Variants in ARHGEF10L observed in about 807,000 individuals in gnomAD.
The protein encoded by ARHGEF10L is Rho guanine nucleotide exchange factor 10 like, also known as rho guanine nucleotide exchange factor 10-like protein.
ARHGEF10L carries 69 observed loss-of-function variants against 141.2 expected under a neutral mutation model. That is an observed-to-expected ratio of 0.49 (90% CI 0.40 to 0.60). The LOEUF is 0.60. ARHGEF10L is among the 20% of genes least tolerant of loss of function. The pLI is 0.00. For missense variants in ARHGEF10L, 1,482 were observed against 1,734.3 expected (o/e 0.85, Z 2.58); for synonymous variants, 711 against 718.5 (o/e 0.99, Z 0.17).
intron 1 of ARHGEF10L, among the ~76,000 whole-genome samples, chr1:17,561,274 C>T (rs772998184): frequency 6.6e-5 from 10 of 152,352 alleles, no homozygotes; most frequent in East Asian, 1.9e-4. Context: ...GCACCTCCCC[C>T]CCGCCCCGTC....
At position 17,656,441 on chromosome 1, in the gene ARHGEF10L, C is replaced by T. The variant is rs2062258833; in HGVS notation, c.2706-113C>T. 12 of 1,315,020 alleles carry T rather than the reference C, an allele frequency of 9.1e-6. 2 individuals are homozygous for T. In the South Asian group the frequency reaches 1.0e-4, roughly 11 times the overall value. The allele number at this position is 1,315,020 out of a possible 1,614,324, so 81.5% of individuals were successfully genotyped here. A position where few individuals can be genotyped will look rare whatever the true frequency, so the allele number is the denominator to read the frequency against. On this transcript the variant is annotated intron_variant, in intron 24 of 28. Transcript: ENST00000361221. The surrounding 1 kb of genome is among the most constrained non-coding windows in gnomAD (Gnocchi z 4.9). ...ATGGCCTGGCCACACAGCCGAAAGG[C>T]GTGGCTGAGAGGGGTCAGCTCCCTG...
Position 17,632,323 on chromosome 1 carries a change from G to A in ARHGEF10L, c.1587G>A (p.Leu529=), listed in dbSNP as rs1267978372. The change falls in exon 16 of 29, where the codon CTG becomes CTA. Residue 529 remains leucine, a splice_region_variant and synonymous_variant. Transcript: ENST00000361221. ...GACCTTCCCTGCCCCTCCTCCAGCT[G>A]TTGACCTCAGGCCAGCGGCAGCTGC... ...SVSDRSSLNK[L]LTSGQRQLLL... The A allele has an allele frequency of 1.2e-6, 2 of 1,613,970 alleles. No homozygotes were observed. The highest frequency in any genetic ancestry group is 1.7e-6 in the Non-Finnish European group (2 of 1,180,024).
intron 1 of ARHGEF10L, among the ~76,000 whole-genome samples, chr1:17,562,048 A>G (rs2077563921): frequency 6.6e-6 from 1 of 152,208 alleles, no homozygotes; most frequent in Admixed American, 6.5e-5. Context: ...TCCAACCAAC[A>G]TTTATTGAAG....
At chr1:17,687,899 T>C (rs773376022) in intron 27 of ARHGEF10L, 152 bp downstream of exon 27, 2 of 871,128 alleles carry the variant, frequency 2.3e-6, no homozygotes, top group Non-Finnish European at 3.4e-6. Flanking sequence ...AGTGGTGGGG[T>C]TGGGATTCAC....
At chr1:17,520,527 G>T in the ARHGEF10L span, among the ~76,000 whole-genome samples, 1 of 152,194 alleles carries the variant, frequency 6.6e-6, no homozygotes, top group Non-Finnish European at 1.5e-5. Context: ...TTTGGAGGTC[G>T]TGGGGGAGGG....
At chr1:17,665,307 TTC>T (rs1244242825) in intron 26 of ARHGEF10L, among the ~76,000 whole-genome samples, 3 of 152,198 alleles carry the variant, frequency 2.0e-5, no homozygotes, top group Non-Finnish European at 4.4e-5. Context: ...GCCTGCCTAG[TTC>T]TCTCTCATGC....
At chr1:17,657,579 A>G (rs2062351042) in intron 25 of ARHGEF10L, among the ~76,000 whole-genome samples, 1 of 151,112 alleles carries the variant, frequency 6.6e-6, no homozygotes, top group Non-Finnish European at 1.5e-5. Flanking sequence ...ACAGCCTGTT[A>G]CAGGGTTATA....
chr1:17,626,312 A>G (rs2060383731), intron 14 of ARHGEF10L, among the ~76,000 whole-genome samples: 1 of 152,142 alleles, frequency 6.6e-6, no homozygotes, highest in Non-Finnish European at 1.5e-5. Context: ...GAGTGAAGGC[A>G]CAGGGAATCC....
In ARHGEF10L at chr1:17,625,919, AG is replaced by A; in HGVS notation, c.1318-32del. 1 of 1,593,774 alleles carries A rather than the reference AG, an allele frequency of 6.3e-7. No homozygotes were observed. Among genetic ancestry groups the A allele is most frequent in the African/African-American group, 1.3e-5 (1 of 74,490 alleles). On this transcript the variant is annotated intron_variant, in intron 13 of 28. Coordinates refer to ENST00000361221, the MANE Select transcript of ARHGEF10L (RefSeq NM_018125.4). The surrounding 1 kb of genome is among the most constrained non-coding windows in gnomAD (Gnocchi z 4.5). Reference sequence around the variant, plus strand: ...CTCTGGGGCACTGGGCCCTCTCTGCAGGGGGTCAGCGAATGACGGAACCTTG... The same window carrying A: ...CTCTGGGGCACTGGGCCCTCTCTGCAGGGGTCAGCGAATGACGGAACCTTG...
intron 4 of ARHGEF10L, among the ~76,000 whole-genome samples, chr1:17,592,941 G>A (rs2079694921): frequency 6.6e-6 from 1 of 152,096 alleles, no homozygotes; most frequent in African/African-American, 2.4e-5. Flanking sequence ...AAGGTCCCTT[G>A]CCAAATCCAT....
At position 17,587,672 on chromosome 1, in the gene ARHGEF10L, C is replaced by T. The variant is rs374870616; in HGVS notation, c.223+27C>T. 5.7e-6 allele frequency: 9 copies of T among 1,589,194 alleles called. No homozygotes were observed. The South Asian group carries it at 9.1e-5, about 16-fold the overall frequency. On this transcript the variant is annotated intron_variant, in intron 3 of 28. Coordinates refer to ENST00000361221, the MANE Select transcript of ARHGEF10L (RefSeq NM_018125.4). The stretch of plus-strand genomic sequence containing the variant: ...TAAGATGTTTCTGGGAACTTCCGGT[C>T]CTGGGGCTACAGGGAGCATGGAGAA...
Position 17,654,784 on chromosome 1 carries a change from A to C in ARHGEF10L, c.2481+62A>C, listed in dbSNP as rs2102015598. 2 of 1,468,900 alleles carry C rather than the reference A, an allele frequency of 1.4e-6. No individual in the cohort carries two copies. Among genetic ancestry groups the C allele is most frequent in the Non-Finnish European group, 1.9e-6 (2 of 1,053,828 alleles). The allele number at this position is 1,468,900 out of a possible 1,614,324, so 91.0% of individuals were successfully genotyped here. A position where few individuals can be genotyped will look rare whatever the true frequency, so the allele number is the denominator to read the frequency against. Reference sequence around the variant, plus strand: ...TCAGGACAGGAGTAGGGAGAGCGGCACCTGGGAGGGGGTGCTGGAGACAGC... The same window carrying C: ...TCAGGACAGGAGTAGGGAGAGCGGCCCCTGGGAGGGGGTGCTGGAGACAGC... On this transcript the variant is annotated intron_variant, in intron 23 of 28. Coordinates refer to ENST00000361221, the MANE Select transcript of ARHGEF10L (RefSeq NM_018125.4). The surrounding 1 kb of genome is among the most constrained non-coding windows in gnomAD (Gnocchi z 4.3).
At chr1:17,672,295 G>T (rs1294301877) in intron 26 of ARHGEF10L, among the ~76,000 whole-genome samples, 1 of 151,824 alleles carries the variant, frequency 6.6e-6, no homozygotes, top group Non-Finnish European at 1.5e-5. Flanking sequence ...GTGTGATGCG[G>T]CATGAATAAT....
chr1:17,548,452 T>G (rs181350546), intron 1 of ARHGEF10L, among the ~76,000 whole-genome samples: 7 of 151,874 alleles, frequency 4.6e-5, no homozygotes, highest in South Asian at 2.1e-4. Context: ...GACTAGGAAA[T>G]GTATGGTAGA....
At chr1:17,564,789 T>C (rs749827028) in intron 1 of ARHGEF10L, among the ~76,000 whole-genome samples, 47 of 152,302 alleles carry the variant, frequency 3.1e-4, no homozygotes, top group Non-Finnish European at 5.4e-4. Context: ...ACTGGGCCCT[T>C]AGCACGCAGT....
intron 26 of ARHGEF10L, among the ~76,000 whole-genome samples, chr1:17,671,561 G>T (rs2063324904): frequency 6.6e-6 from 1 of 152,202 alleles, no homozygotes. Context: ...AGAAGCACAG[G>T]CCTGGGTCCT....
At chr1:17,531,339 G>A in the ARHGEF10L span, among the ~76,000 whole-genome samples, 3 of 152,170 alleles carry the variant, frequency 2.0e-5, no homozygotes, top group South Asian at 6.2e-4. Context: ...CCCACTAGGT[G>A]GGTCAACATG....
intron 26 of ARHGEF10L, among the ~76,000 whole-genome samples, chr1:17,665,675 T>C (rs551037765): frequency 6.6e-6 from 1 of 152,310 alleles, no homozygotes; most frequent in African/African-American, 2.4e-5. Flanking sequence ...AGTGTCCCGT[T>C]CCTGGAATCC....
chr1:17,556,683 T>C lies in ARHGEF10L; in HGVS notation c.-44+16733T>C, dbSNP rs553314368. 3.9e-5 allele frequency among the ~76,000 whole-genome samples: 6 copies of C among 152,198 alleles called. No individual in the cohort carries two copies. In the South Asian group the frequency reaches 1.2e-3, roughly 32 times the overall value. Reference sequence around the variant, plus strand: ...TCTCATATGTTAATGTGAGCCAGGGTCACCCAGACAAGCCTGCTAAGAAGG... The same window carrying C: ...TCTCATATGTTAATGTGAGCCAGGGCCACCCAGACAAGCCTGCTAAGAAGG... On this transcript the variant is annotated intron_variant, in intron 1 of 28. Transcript: ENST00000361221.
Sources: allele counts gnomAD v4.1 joint callset (sites outside exome capture counted in the v4.1 genomes callset), GRCh38; gene constraint gnomAD v4.1.1; non-coding constraint Gnocchi (gnomAD v3.1); transcripts MANE v1.5; gene names NCBI Gene and HGNC (gene_info 2026-07-23, HGNC 2026-07-21).